Variants in MPDZ observed in about 807,000 individuals in gnomAD.
MPDZ encodes multiple PDZ domain crumbs cell polarity complex component, also known as multiple PDZ domain protein.
Under a neutral mutation model 239.1 loss-of-function variants are expected in MPDZ, and 234 were observed. The observed-to-expected ratio is 0.98, with a 90% CI of 0.88 to 1.09. MPDZ has a LOEUF of 1.09. MPDZ is among the 50% of genes least tolerant of loss of function. MPDZ has a pLI of 0.00. For synonymous variants in MPDZ, 1,048 were observed against 881.3 expected, an observed-to-expected ratio of 1.19 and a Z score of -3.35; for missense variants, 3,175 against 2,510.0, an observed-to-expected ratio of 1.26 and a Z score of -5.66.
intron 23 of MPDZ, among the ~76,000 whole-genome samples, chr9:13,160,869 T>TATAA (rs1554669676): frequency 6.7e-4 from 85 of 127,786 alleles, no homozygotes; most frequent in South Asian, 2.6e-3. Context: ...TATATATATA[T>TATAA]AAAACAGGTA....
In MPDZ at chr9:13,206,767, C is replaced by T. The variant is rs539317181; in HGVS notation, c.1291-668G>A. ...CCATGTTGGCCAGGATGGTCTCGAT[C>T]TCTTGACCTCGTGATCTGCCCGCCT... On this transcript the variant is annotated intron_variant, in intron 10 of 46. Coordinates refer to ENST00000319217, the MANE Select transcript of MPDZ (RefSeq NM_001378778.1). 1.5e-4 allele frequency among the ~76,000 whole-genome samples: 23 copies of T among 152,182 alleles called. No individual in the cohort carries two copies. In the South Asian group the frequency reaches 1.9e-3, roughly 12 times the overall value.
chr9:13,272,323 T>A (rs1272355165), intron 1 of MPDZ, among the ~76,000 whole-genome samples: 1 of 152,122 alleles, frequency 6.6e-6, no homozygotes, highest in East Asian at 1.9e-4. Flanking sequence ...GCCCCAGGGC[T>A]ATTTCTTCTC....
At chr9:13,277,425 G>C (rs977711288) in intron 1 of MPDZ, among the ~76,000 whole-genome samples, 1 of 152,190 alleles carries the variant, frequency 6.6e-6, no homozygotes, top group South Asian at 2.1e-4. Context: ...TAGGGAAGAA[G>C]AACGGAGAGT....
chr9:13,175,895 G>C lies in MPDZ; in HGVS notation c.2932-20C>G, dbSNP rs1207005765. Reference sequence around the variant, plus strand: ...AGAGCCCTTTAAGAAAGAAAAAGAAGTCACAAGTCACATGGAAAGGGAAAC... The same window carrying C: ...AGAGCCCTTTAAGAAAGAAAAAGAACTCACAAGTCACATGGAAAGGGAAAC... On this transcript the variant is annotated intron_variant, in intron 20 of 46. Transcript: ENST00000319217. 1.3e-6 allele frequency: 2 copies of C among 1,573,278 alleles called. No individual in the cohort carries two copies. Among genetic ancestry groups the C allele is most frequent in the Non-Finnish European group, 1.7e-6 (2 of 1,162,698 alleles).
intron 1 of MPDZ, among the ~76,000 whole-genome samples, chr9:13,274,144 G>A (rs117782761): frequency 1.7e-3 from 262 of 152,018 alleles, no homozygotes; most frequent in Non-Finnish European, 3.0e-3. Context: ...CTTTTCACTT[G>A]TATCTTCCAT....
chr9:13,156,699 C>G (rs1949862391), intron 24 of MPDZ, among the ~76,000 whole-genome samples: 1 of 152,214 alleles, frequency 6.6e-6, no homozygotes, highest in South Asian at 2.1e-4. Context: ...ATCTACTTTT[C>G]CTCTCATAAT....
intron 10 of MPDZ, among the ~76,000 whole-genome samples, chr9:13,212,791 T>TAAAAAAAA (rs145889448): frequency 2.7e-5 from 3 of 110,576 alleles, no homozygotes; most frequent in South Asian, 3.1e-4. Context: ...GGTCAAGGTT[T>TAAAAAAAA]AAAAAAAAAA....
chr9:13,264,581 A>C (rs1457899608), intron 1 of MPDZ, among the ~76,000 whole-genome samples: 1 of 152,024 alleles, frequency 6.6e-6, no homozygotes, highest in Non-Finnish European at 1.5e-5. Flanking sequence ...TCCTTTTCTA[A>C]AAATGTTTAA....
intron 10 of MPDZ, among the ~76,000 whole-genome samples, chr9:13,214,760 C>A (rs1958074254): frequency 6.6e-6 from 1 of 151,988 alleles, no homozygotes; most frequent in Admixed American, 6.6e-5. Flanking sequence ...TACAGTAATT[C>A]ATTTACATTG....
At chr9:13,257,510 A>T (rs1451031790) in intron 1 of MPDZ, among the ~76,000 whole-genome samples, 1 of 152,190 alleles carries the variant, frequency 6.6e-6, no homozygotes, top group Admixed American at 6.5e-5. Flanking sequence ...CAAATTTATA[A>T]AAAAGAAGAT....
In MPDZ at chr9:13,105,945, A is replaced by C. The variant is rs1403332352; in HGVS notation, c.*1020T>G. 1 of 152,210 alleles carries C rather than the reference A, an allele frequency of 6.6e-6. No individual in the cohort carries two copies. The highest frequency in any genetic ancestry group is 2.4e-5 in the African/African-American group (1 of 41,466). The allele number at this position is 152,210 out of a possible 1,614,324, so 9.4% of individuals were successfully genotyped here. A position where few individuals can be genotyped will look rare whatever the true frequency, so the allele number is the denominator to read the frequency against. On this transcript the variant is annotated 3_prime_UTR_variant, in exon 47 of 47. Coordinates refer to ENST00000319217, the MANE Select transcript of MPDZ (RefSeq NM_001378778.1). ...CTTAGTCTTAAACTATTGTATTATA[A>C]GATGTTAATATAAGTCAATGAAATG...
At chr9:13,122,295 G>A (rs1226341474) in intron 36 of MPDZ, 125 bp from the exon 37 acceptor site, 1 of 791,226 alleles carries the variant, frequency 1.3e-6, no homozygotes. Context: ...TGGCTCTACA[G>A]TACAAGCTCC....
chr9:13,209,747 T>C (rs541316971), intron 10 of MPDZ, among the ~76,000 whole-genome samples: 1 of 152,066 alleles, frequency 6.6e-6, no homozygotes, highest in Admixed American at 6.6e-5. Flanking sequence ...AAGAAACAAG[T>C]ATCTACCCCC....
At chr9:13,192,500 C>G (rs529602168) in intron 14 of MPDZ, among the ~76,000 whole-genome samples, 117 of 152,046 alleles carry the variant, frequency 7.7e-4, no homozygotes, top group African/African-American at 2.7e-3. Flanking sequence ...CTAAAGCACT[C>G]AAAGAAAAAC....
In MPDZ at chr9:13,247,739, C is replaced by T. The variant is rs1160966629; in HGVS notation, c.79G>A (p.Val27Ile). The T allele has an allele frequency of 8.1e-6, 13 of 1,613,256 alleles. No homozygotes were observed. The Admixed American group carries it at 1.7e-4, about 21-fold the overall frequency. Residue 27 changes from valine to isoleucine, a missense_variant, in exon 3 of 47, where the codon GTA becomes ATA. By Grantham distance (29) the Val-to-Ile change is conservative. Coordinates refer to ENST00000319217, the MANE Select transcript of MPDZ (RefSeq NM_001378778.1). Reference sequence around the variant, plus strand: ...AGGCTCAGTTTGTCTTCATTTGCTACATCCCCACGTTCTCGCAGCTTGGTT... The same window carrying T: ...AGGCTCAGTTTGTCTTCATTTGCTATATCCCCACGTTCTCGCAGCTTGGTT... The part of the protein sequence containing the change: ...LQTKLRERGD[V>I]ANEDKLSLLK...
intron 4 of MPDZ, 136 bp from the exon 5 acceptor site, chr9:13,223,846 A>C: frequency 1.2e-6 from 1 of 801,470 alleles, no homozygotes; most frequent in South Asian, 2.3e-5. Flanking sequence ...AGACTGGGCT[A>C]CATAATGTGA....
At chr9:13,189,395 A>G (rs955661609) in intron 16 of MPDZ, among the ~76,000 whole-genome samples, 6 of 152,154 alleles carry the variant, frequency 3.9e-5, no homozygotes, top group Non-Finnish European at 7.4e-5. Context: ...ACTACTAGAT[A>G]TAAGTGCACT....
At chr9:13,211,633 A>G (rs1242528142) in intron 10 of MPDZ, among the ~76,000 whole-genome samples, 2 of 152,140 alleles carry the variant, frequency 1.3e-5, no homozygotes, top group East Asian at 1.9e-4. Context: ...TAAAAGAAAT[A>G]TAAGGTAGTA....
Position 13,126,684 on chromosome 9 carries a change from G to A in MPDZ, c.4553C>T (p.Ala1518Val), listed in dbSNP as rs367819537. ...AGCAAGAAAGGTAAACCTCACCGTG[G>A]CTGCTACCCCATGCTCTGTTAAGCT... The part of the protein sequence containing the change: ...IKSLTEHGVA[A>V]TDGRLKVGDQ... The change falls in exon 33 of 47, where the codon GCC becomes GTC. Residue 1518 changes from alanine (A) to valine (V), a missense_variant. Ala to Val is a moderately conservative substitution (Grantham distance 64). Transcript: ENST00000319217. 10 of 1,613,452 alleles carry A rather than the reference G, an allele frequency of 6.2e-6. No homozygotes were observed. The highest frequency in any genetic ancestry group is 3.4e-6 in the Non-Finnish European group (4 of 1,179,622).
Sources: gnomAD v4.1 joint callset for allele counts (sites outside exome capture counted in the v4.1 genomes callset) on GRCh38, gnomAD v4.1.1 for gene constraint, MANE v1.5 for transcripts, NCBI Gene and HGNC (gene_info 2026-07-23, HGNC 2026-07-21) for gene names.